The following TAFA2 variants were observed in gnomAD, a reference collection of about 807,000 sequenced individuals.
TAFA2 encodes chemokine-like protein TAFA-2.
In TAFA2, 7 loss-of-function variants were observed where a neutral mutation model predicts 18.8. The observed-to-expected ratio is 0.37, with a 90% CI of 0.21 to 0.70. The LOEUF is 0.70. Ranked by LOEUF, TAFA2 falls within the 30% of genes least tolerant of loss-of-function variation. TAFA2 has a pLI of 0.53. For synonymous variants in TAFA2, 60 were observed against 54.2 expected (o/e 1.11, Z -0.47); for missense variants, 122 against 158.1 (o/e 0.77, Z 1.23).
intron 2 of TAFA2, among the ~76,000 whole-genome samples, chr12:61,862,577 G>C (rs1185191680): frequency 6.6e-6 from 1 of 152,184 alleles, no homozygotes; most frequent in Admixed American, 6.6e-5. Context: ...TATTTCGGTA[G>C]AGGTATTTAT....
intron 1 of TAFA2, among the ~76,000 whole-genome samples, chr12:62,095,076 G>T (rs1216043823): frequency 1.3e-5 from 2 of 152,042 alleles, no homozygotes; most frequent in African/African-American, 4.8e-5. Context: ...ATAAGTCCTT[G>T]CTAGGGAATC....
intron 2 of TAFA2, among the ~76,000 whole-genome samples, chr12:61,789,685 T>C (rs1450936374): frequency 6.6e-6 from 1 of 151,796 alleles, no homozygotes; most frequent in Non-Finnish European, 1.5e-5. Context: ...GAACTTAAAG[T>C]ATAATTAAAA....
intron 2 of TAFA2, among the ~76,000 whole-genome samples, chr12:61,799,220 GTTCTCT>G (rs1871305718): frequency 6.6e-6 from 1 of 152,158 alleles, no homozygotes; most frequent in Non-Finnish European, 1.5e-5. Flanking sequence ...CATATGTTTG[GTTCTCT>G]TTCTCTTCTC....
At chr12:62,109,140 T>C (rs1869604518) in intron 1 of TAFA2, among the ~76,000 whole-genome samples, 1 of 152,248 alleles carries the variant, frequency 6.6e-6, no homozygotes, top group South Asian at 2.1e-4. Context: ...TTAATTCATC[T>C]TGAGTTAATT....
chr12:62,226,886 T>C (rs1003689643), intron 1 of TAFA2, among the ~76,000 whole-genome samples: 2 of 152,194 alleles, frequency 1.3e-5, no homozygotes, highest in Admixed American at 6.5e-5. Flanking sequence ...TTCAGGCCCA[T>C]CTTTTTTGGC....
chr12:61,826,699 A>G (rs1040101014), intron 2 of TAFA2, among the ~76,000 whole-genome samples: 1 of 151,936 alleles, frequency 6.6e-6, no homozygotes, highest in Non-Finnish European at 1.5e-5. Context: ...TCACAGCAAG[A>G]TGCATTATGC....
At chr12:62,214,398 C>CT (rs1321563781) in intron 1 of TAFA2, among the ~76,000 whole-genome samples, 2 of 152,210 alleles carry the variant, frequency 1.3e-5, no homozygotes, top group African/African-American at 2.4e-5. Context: ...TAAGATGTGA[C>CT]TTGCTCCTCC....
At chr12:61,925,021 C>T (rs1354252685) in intron 1 of TAFA2, among the ~76,000 whole-genome samples, 1 of 152,152 alleles carries the variant, frequency 6.6e-6, no homozygotes, top group Non-Finnish European at 1.5e-5. Flanking sequence ...GGAACCAATG[C>T]AACAAGAAGA....
At chr12:62,071,293 A>G (rs1165147765) in intron 1 of TAFA2, among the ~76,000 whole-genome samples, 1 of 152,206 alleles carries the variant, frequency 6.6e-6, no homozygotes, top group Non-Finnish European at 1.5e-5. Flanking sequence ...GAAGGTCAGC[A>G]TGTGGCTAGA....
intron 1 of TAFA2, among the ~76,000 whole-genome samples, chr12:61,908,298 G>T (rs1446647725): frequency 6.6e-6 from 1 of 152,054 alleles, no homozygotes; most frequent in Non-Finnish European, 1.5e-5. Context: ...AGATCTTTCT[G>T]GTGCTTTTCT....
rs553551713 is a variant in TAFA2 at position 61,962,640 on chromosome 12, A to G, written c.-1-95214T>C. ...TCAAAGCCAAGAAAGAGAAGAGTATATGAAAAAAGTCAATTTTGTGCATAT... is the reference window on the plus strand; with the variant it reads ...TCAAAGCCAAGAAAGAGAAGAGTATGTGAAAAAAGTCAATTTTGTGCATAT... On this transcript the variant is annotated intron_variant, in intron 1 of 4. Coordinates refer to ENST00000416284, the MANE Select transcript of TAFA2 (RefSeq NM_178539.5). 3.3e-5 allele frequency among the ~76,000 whole-genome samples: 5 copies of G among 152,198 alleles called. No homozygotes were observed. In the South Asian group the frequency reaches 8.3e-4, roughly 25 times the overall value.
chr12:62,222,278 C>G (rs2062766338), intron 1 of TAFA2, among the ~76,000 whole-genome samples: 1 of 152,112 alleles, frequency 6.6e-6, no homozygotes, highest in East Asian at 1.9e-4. Context: ...TATAAGCCAC[C>G]TACATGTACC....
At chr12:62,029,988 AC>A (rs1200156797) in intron 1 of TAFA2, among the ~76,000 whole-genome samples, 1 of 152,044 alleles carries the variant, frequency 6.6e-6, no homozygotes, top group Non-Finnish European at 1.5e-5. Flanking sequence ...AGCTTCATTT[AC>A]CTCCCATTGA....
At chr12:62,139,094 A>C (rs1368916029) in intron 1 of TAFA2, among the ~76,000 whole-genome samples, 1 of 152,174 alleles carries the variant, frequency 6.6e-6, no homozygotes, top group Non-Finnish European at 1.5e-5. Flanking sequence ...TGAGAAGAAG[A>C]ATCCTCCCAA....
upstream of TAFA2, among the ~76,000 whole-genome samples, chr12:62,193,899 T>C (rs1177570029): frequency 6.6e-6 from 1 of 152,206 alleles, no homozygotes; most frequent in East Asian, 1.9e-4. Context: ...AAGAAAAGAA[T>C]GTATTTTTTA....
At chr12:61,725,684 T>G (rs561401381) in intron 4 of TAFA2, among the ~76,000 whole-genome samples, 14 of 152,284 alleles carry the variant, frequency 9.2e-5, no homozygotes, top group African/African-American at 3.1e-4. Context: ...TTGGTGACTA[T>G]AGCCTTATAG....
intron 1 of TAFA2, among the ~76,000 whole-genome samples, chr12:62,061,943 G>A (rs1882360199): frequency 6.6e-6 from 1 of 152,054 alleles, no homozygotes; most frequent in Non-Finnish European, 1.5e-5. Flanking sequence ...GCACCAAGAG[G>A]CCCAGGGGAG....
intron 2 of TAFA2, among the ~76,000 whole-genome samples, chr12:61,838,955 AT>A (rs1873052134): frequency 6.6e-6 from 1 of 152,104 alleles, no homozygotes; most frequent in Non-Finnish European, 1.5e-5. Context: ...CTGGCCCCAA[AT>A]ATCAATAGTG....
chr12:61,820,034 C>G (rs1360870679), intron 2 of TAFA2, among the ~76,000 whole-genome samples: 1 of 151,998 alleles, frequency 6.6e-6, no homozygotes, highest in Non-Finnish European at 1.5e-5. Flanking sequence ...TCTACCTTAT[C>G]CAGAAACATT....
Sources: allele counts gnomAD v4.1 joint callset (sites outside exome capture counted in the v4.1 genomes callset), GRCh38; gene constraint gnomAD v4.1.1; transcripts MANE v1.5; gene names NCBI Gene and HGNC (gene_info 2026-07-23, HGNC 2026-07-21).